The following DOK7 variants were observed in gnomAD, a reference collection of about 807,000 sequenced individuals.
The protein encoded by DOK7 is protein Dok-7.
A neutral mutation model predicts 30.7 loss-of-function variants in DOK7; 32 were observed. That is an observed-to-expected ratio of 1.04 (90% CI 0.79 to 1.40). DOK7 has a LOEUF of 1.40. Among genes scored for constraint, DOK7 ranks in the 40% most tolerant of loss-of-function variants. DOK7 has a pLI of 0.00. For synonymous variants in DOK7, 447 were observed against 324.1 expected (o/e 1.38, Z -4.07); for missense variants, 1,007 against 699.2 (o/e 1.44, Z -4.97).
intron 4 of DOK7, among the ~76,000 whole-genome samples, chr4:3,480,612 AAAG>A (rs938428480): frequency 2.6e-5 from 4 of 152,198 alleles, no homozygotes; most frequent in Admixed American, 2.6e-4. Context: ...TGTCTCAAAA[AAAG>A]AAGAGTAAAG....
At chr4:3,463,856 C>T (rs1438609543) in intron 2 of DOK7, among the ~76,000 whole-genome samples, 1 of 152,174 alleles carries the variant, frequency 6.6e-6, no homozygotes, top group Non-Finnish European at 1.5e-5. Context: ...AGAAGCAAAG[C>T]CCCACATACC....
At chr4:3,492,639 GC>G in intron 6 of DOK7, 119 bp from the exon 7 acceptor site, 2 of 1,406,324 alleles carry the variant, frequency 1.4e-6, no homozygotes, top group Non-Finnish European at 1.9e-6. Flanking sequence ...GGGCTTGGGG[GC>G]TGGAAGGGGT....
Position 3,487,262 on chromosome 4 carries a change from C to A in DOK7, c.652+1604C>A, listed in dbSNP as rs564589273. Among the ~76,000 whole-genome samples the A allele has an allele frequency of 4.6e-5, 7 of 152,312 alleles. No homozygotes were observed. The East Asian group carries it at 1.2e-3, about 25-fold the overall frequency. On this transcript the variant is annotated intron_variant, in intron 5 of 6. Coordinates refer to ENST00000340083, the MANE Select transcript of DOK7 (RefSeq NM_173660.5). ...GCTGGGACACTATGCTGGGCAGCACCCCACCAGAGAAGCCGTGGGCCCAGC... is the reference window on the plus strand; with the variant it reads ...GCTGGGACACTATGCTGGGCAGCACACCACCAGAGAAGCCGTGGGCCCAGC...
Position 3,494,445 on chromosome 4 carries a change from T to C in DOK7, c.*944T>C, listed in dbSNP as rs745595733. 52 of 978,570 alleles carry C rather than the reference T, an allele frequency of 5.3e-5. No individual in the cohort carries two copies. Among genetic ancestry groups the C allele is most frequent in the Middle Eastern group, 5.3e-4 (1 of 1,904 alleles). 60.6% of individuals were successfully genotyped at this position (978,570 alleles called of 1,614,324 possible). A position where few individuals can be genotyped will look rare whatever the true frequency, so the allele number is the denominator to read the frequency against. ...GTCAGCTGTTTCTAAACCCAGACAC[T>C]GTTTGTAATAGACTGGAAATAAAAT... On this transcript the variant is annotated 3_prime_UTR_variant, in exon 7 of 7. Transcript: ENST00000340083.
chr4:3,490,628 TCTCCGC>T (rs1336174044), intron 6 of DOK7, among the ~76,000 whole-genome samples: 20 of 6,678 alleles, frequency 3.0e-3, no homozygotes, highest in South Asian at 0.014. Flanking sequence ...ATTCCTTCCC[TCTCCGC>T]CTGCTCGTTC....
At chr4:3,476,043 G>A (rs1052398300) in intron 3 of DOK7, among the ~76,000 whole-genome samples, 2 of 151,250 alleles carry the variant, frequency 1.3e-5, no homozygotes, top group Non-Finnish European at 2.9e-5. Context: ...GCCCCCACCT[G>A]CCCCAGCCTG....
At position 3,489,454 on chromosome 4, in the gene DOK7, G is replaced by A. The variant is rs532347632; in HGVS notation, c.653-223G>A. On this transcript the variant is annotated intron_variant, in intron 5 of 6. Coordinates refer to ENST00000340083, the MANE Select transcript of DOK7 (RefSeq NM_173660.5). ...GGGCAGGTGGCAGGGCCATCCACGG[G>A]CACAGGGACCCAGCTGGGCGCATGG... 6.6e-4 allele frequency among the ~76,000 whole-genome samples: 101 copies of A among 152,306 alleles called. 1 individual carries two copies. Among genetic ancestry groups the A allele is most frequent in the Non-Finnish European group, 5.9e-5 (4 of 68,006 alleles).
chr4:3,497,811 C>G (rs1046043460), downstream of DOK7, among the ~76,000 whole-genome samples: 1 of 152,136 alleles, frequency 6.6e-6, no homozygotes, highest in Admixed American at 6.5e-5. Context: ...TGGCCCTGGG[C>G]TGGACACCGA....
rs560882592 is a variant in DOK7, at chr4:3,492,948, C to A, written c.962C>A (p.Pro321Gln). 13 of 1,553,636 alleles carry A rather than the reference C, an allele frequency of 8.4e-6. No individual in the cohort carries two copies. The highest frequency in any genetic ancestry group is 1.4e-5 in the African/African-American group (1 of 73,560). The change falls in exon 7 of 7, where the codon CCG becomes CAG. Residue 321 changes from proline (P) to glutamine (Q), a missense_variant. By Grantham distance (76) the Pro-to-Gln change is moderately conservative. Transcript: ENST00000340083. ...MVGASRPPPKPLRPRQLQEVG... is the reference protein window; with the variant it reads ...MVGASRPPPKQLRPRQLQEVG... Reference sequence around the variant, plus strand: ...GGTGCCTCAAGGCCACCCCCCAAGCCGCTGCGTCCGCGGCAGCTGCAGGAG... The same window carrying A: ...GGTGCCTCAAGGCCACCCCCCAAGCAGCTGCGTCCGCGGCAGCTGCAGGAG...
chr4:3,489,239 A>G (rs1395482977), intron 5 of DOK7, among the ~76,000 whole-genome samples: 2 of 151,940 alleles, frequency 1.3e-5, no homozygotes, highest in Non-Finnish European at 2.9e-5. Context: ...GTGGGCGGGC[A>G]TTTCCCCAGG....
chr4:3,476,589 C>A, intron 4 of DOK7, 47 bp downstream of exon 4: 1 of 1,610,890 alleles, frequency 6.2e-7, no homozygotes. Context: ...GCACCCCCCA[C>A]TTCCCCTGAG....
chr4:3,492,042 C>T (rs557614339), intron 6 of DOK7, among the ~76,000 whole-genome samples: 2 of 152,296 alleles, frequency 1.3e-5, no homozygotes, highest in South Asian at 2.1e-4. Context: ...TTTTGCCTTC[C>T]TGGGGGTGAC....
chr4:3,491,565 C>G (rs1365708727), intron 6 of DOK7, among the ~76,000 whole-genome samples: 8 of 151,436 alleles, frequency 5.3e-5, no homozygotes, highest in Admixed American at 5.3e-4. Context: ...TCATTCCTTC[C>G]TTCACTTATG....
chr4:3,496,158 C>T (rs564669106), downstream of DOK7, among the ~76,000 whole-genome samples: 6 of 152,352 alleles, frequency 3.9e-5, no homozygotes, highest in South Asian at 2.1e-4. Context: ...AGCCGTGGGC[C>T]GCTGTCCCTC....
downstream of DOK7, among the ~76,000 whole-genome samples, chr4:3,495,554 C>T (rs1273703763): frequency 6.6e-6 from 1 of 152,208 alleles, no homozygotes; most frequent in Non-Finnish European, 1.5e-5. Flanking sequence ...TCGCTCCGGG[C>T]GTCTGAAGGT....
At chr4:3,468,964 GTA>G (rs1726556563) in intron 2 of DOK7, among the ~76,000 whole-genome samples, 1 of 148,376 alleles carries the variant, frequency 6.7e-6, no homozygotes, top group South Asian at 2.1e-4. Flanking sequence ...TGTGGTGCCT[GTA>G]TGAGTGTACG....
rs776633500 is a variant in DOK7 at position 3,485,678 on chromosome 4, C to T, written c.652+20C>T. ...TACCAGGTGCGTGTGGGAGCCTGGC[C>T]GGCCGGGGAGGGTGCGCTCGGCAGG... On this transcript the variant is annotated intron_variant, in intron 5 of 6. Transcript: ENST00000340083. The T allele has an allele frequency of 1.0e-5, 16 of 1,543,382 alleles. No homozygotes were observed. Among genetic ancestry groups the T allele is most frequent in the South Asian group, 1.2e-5 (1 of 82,018 alleles).
At chr4:3,496,894 G>A (rs896045280), downstream of DOK7, 65 of 1,533,910 alleles carry the variant, frequency 4.2e-5, no homozygotes, top group African/African-American at 8.3e-5. Flanking sequence ...CCCAGAGCTC[G>A]GGGACAGGAA....
Position 3,491,345 on chromosome 4 carries a change from G to C in DOK7, c.773-1414G>C, listed in dbSNP as rs185998516. Among the ~76,000 whole-genome samples the C allele has an allele frequency of 3.5e-3, 93 of 26,800 alleles. 1 individual carries two copies. Among genetic ancestry groups the C allele is most frequent in the African/African-American group, 7.8e-3 (69 of 8,832 alleles). 17.6% of individuals were successfully genotyped at this position (26,800 alleles called of 152,430 possible). On this transcript the variant is annotated intron_variant, in intron 6 of 6. Coordinates refer to ENST00000340083, the MANE Select transcript of DOK7 (RefSeq NM_173660.5). ...CTGCTCATTCATTCCTTCCTTCTTCGCCTGCTTGTTCCTTCCTTCCTCTGC... is the reference window on the plus strand; with the variant it reads ...CTGCTCATTCATTCCTTCCTTCTTCCCCTGCTTGTTCCTTCCTTCCTCTGC...
Sources: gnomAD v4.1 joint callset for allele counts (sites outside exome capture counted in the v4.1 genomes callset) on GRCh38, gnomAD v4.1.1 for gene constraint, MANE v1.5 for transcripts, NCBI Gene and HGNC (gene_info 2026-07-23, HGNC 2026-07-21) for gene names.